TENM3: variants seen among roughly 807,000 people sequenced by gnomAD.
The protein encoded by TENM3 is teneurin transmembrane protein 3.
Under a neutral mutation model 255.1 loss-of-function variants are expected in TENM3, and 63 were observed. That is an observed-to-expected ratio of 0.25 (90% CI 0.20 to 0.30). TENM3 has a LOEUF of 0.30. TENM3 is among the 10% of genes least tolerant of loss of function. The pLI, the probability that TENM3 is intolerant of heterozygous loss-of-function variation, is 1.00. For synonymous variants in TENM3, 1,306 were observed against 1,322.3 expected (o/e 0.99, Z 0.27); for missense variants, 2,929 against 3,461.1 (o/e 0.85, Z 3.86).
the TENM3 span, among the ~76,000 whole-genome samples, chr4:181,719,986 C>T: frequency 6.6e-6 from 1 of 152,108 alleles, no homozygotes; most frequent in African/African-American, 2.4e-5. Flanking sequence ...CATGCAATGC[C>T]TCTACTGTGT....
chr4:181,814,643 T>G, the TENM3 span, among the ~76,000 whole-genome samples: 1 of 151,994 alleles, frequency 6.6e-6, no homozygotes, highest in East Asian at 1.9e-4. Flanking sequence ...ATAGTTTATT[T>G]GGGAGAGAAA....
chr4:182,110,061 C>A, the TENM3 span, among the ~76,000 whole-genome samples: 1,011 of 149,196 alleles, frequency 6.8e-3, 12 homozygotes, highest in African/African-American at 0.022. Context: ...TTGCAGTGAG[C>A]CGAGATCATG....
intron 7 of TENM3, among the ~76,000 whole-genome samples, chr4:182,674,713 C>G (rs959599375): frequency 6.6e-6 from 1 of 151,474 alleles, no homozygotes; most frequent in South Asian, 2.1e-4. Flanking sequence ...GTAGCTGGGA[C>G]TACAGATGCG....
intron 3 of TENM3, among the ~76,000 whole-genome samples, chr4:182,482,662 T>C (rs1263456651): frequency 6.6e-6 from 1 of 152,228 alleles, no homozygotes; most frequent in Non-Finnish European, 1.5e-5. Context: ...ACATAGGCAT[T>C]GTCTTGTACA....
chr4:182,799,206 G>C lies in TENM3; in HGVS notation c.7345-390G>C, dbSNP rs562568891. Among the ~76,000 whole-genome samples the C allele has an allele frequency of 1.2e-4, 19 of 152,346 alleles. 1 individual carries two copies. The highest frequency in any genetic ancestry group is 5.9e-4 in the Admixed American group (9 of 15,304). ...CCGTTCAGATCCCTCTCTGTGTTTG[G>C]TGGCTTCTCAGCCTCCTGTGGAGAA... is the stretch of plus-strand genomic sequence containing the variant. On this transcript the variant is annotated intron_variant, in intron 27 of 27. Coordinates refer to ENST00000511685, the MANE Select transcript of TENM3 (RefSeq NM_001080477.4). The surrounding 1 kb of genome is among the most constrained non-coding windows in gnomAD (Gnocchi z 4.2).
At chr4:182,706,124 G>C (rs916062033) in intron 12 of TENM3, among the ~76,000 whole-genome samples, 1 of 152,180 alleles carries the variant, frequency 6.6e-6, no homozygotes, top group Non-Finnish European at 1.5e-5. Flanking sequence ...TCTATAAACA[G>C]ATGATGCTTC....
chr4:182,092,848 A>T, the TENM3 span, among the ~76,000 whole-genome samples: 1 of 152,316 alleles, frequency 6.6e-6, no homozygotes, highest in Admixed American at 6.5e-5. Context: ...TCTTATCTAC[A>T]TAAAGGCTTT....
chr4:182,695,355 G>A lies in TENM3; in HGVS notation c.2221+7004G>A, dbSNP rs554444592. Among the ~76,000 whole-genome samples, 7 of 152,310 alleles carry A rather than the reference G, an allele frequency of 4.6e-5. No homozygotes were observed. In the South Asian group the frequency reaches 6.2e-4, roughly 14 times the overall value. On this transcript the variant is annotated intron_variant, in intron 12 of 27. Transcript: ENST00000511685. The stretch of plus-strand genomic sequence containing the variant: ...GGGAACACCCATGGGTTCAGGTGTC[G>A]TATGTTAATATAAAACTTGCAAATC...
At chr4:182,784,234 T>C (rs1302500312) in intron 24 of TENM3, among the ~76,000 whole-genome samples, 1 of 152,128 alleles carries the variant, frequency 6.6e-6, no homozygotes, top group Non-Finnish European at 1.5e-5. Flanking sequence ...GGGTTTTTGG[T>C]GTGGATGTCC....
At position 182,544,439 on chromosome 4, in the gene TENM3, TCCTA is replaced by T. The variant is rs1741222970; in HGVS notation, c.512-56481_512-56478del. On this transcript the variant is annotated intron_variant, in intron 3 of 27. Transcript: ENST00000511685. Reference sequence around the variant, plus strand: ...TCTGCCTCCCGGGTTCAAGCGACTCTCCTACCTCAGTCTCTCGAGTAGCCGGGAT... The same window carrying T: ...TCTGCCTCCCGGGTTCAAGCGACTCTCCTCAGTCTCTCGAGTAGCCGGGAT... Among the ~76,000 whole-genome samples, 3 of 146,952 alleles carry T rather than the reference TCCTA, an allele frequency of 2.0e-5. No individual in the cohort carries two copies. The South Asian group carries it at 6.9e-4, about 34-fold the overall frequency.
At chr4:181,746,289 C>T in the TENM3 span, among the ~76,000 whole-genome samples, 1 of 151,992 alleles carries the variant, frequency 6.6e-6, no homozygotes, top group Non-Finnish European at 1.5e-5. Flanking sequence ...GGCTGGAGTC[C>T]AAGAACTTTG....
At chr4:181,629,806 G>T in the TENM3 span, among the ~76,000 whole-genome samples, 94 of 151,658 alleles carry the variant, frequency 6.2e-4, no homozygotes, top group African/African-American at 2.2e-3. Context: ...TCTTTTTTTT[G>T]TTGTATCCCT....
At chr4:181,836,972 C>T in the TENM3 span, among the ~76,000 whole-genome samples, 1 of 125,388 alleles carries the variant, frequency 8.0e-6, no homozygotes, top group African/African-American at 2.6e-5. Context: ...GTCTTGCTCA[C>T]ATTTTATTAT....
rs760813228 is a variant in TENM3 at position 182,754,913 on chromosome 4, C to T, written c.4546C>T (p.Pro1516Ser). Residue 1516 changes from proline to serine, a missense_variant, in exon 22 of 28, where the codon CCA (proline) becomes TCA (serine). By Grantham distance (74) the Pro-to-Ser change is moderately conservative (BLOSUM62 -1). Around this residue, in one of 6 missense-constraint regions of TENM3, gnomAD observed 1,608 missense variants for 1,884.4 expected, o/e 0.85. Coordinates refer to ENST00000511685, the MANE Select transcript of TENM3 (RefSeq NM_001080477.4). The surrounding 1 kb of genome is among the most constrained non-coding windows in gnomAD (Gnocchi z 5.1). Reference sequence around the variant, plus strand: ...TATGAACTTCTATGAAGTTGCGTCTCCAACTGATCAAGAACTCTACATCTT... The same window carrying T: ...TATGAACTTCTATGAAGTTGCGTCTTCAACTGATCAAGAACTCTACATCTT... ...NSMNFYEVAS[P>S]TDQELYIFDI... 2.5e-6 allele frequency: 4 copies of T among 1,614,030 alleles called. No individual in the cohort carries two copies. The highest frequency in any genetic ancestry group is 3.4e-6 in the Non-Finnish European group (4 of 1,179,904).
the TENM3 span, among the ~76,000 whole-genome samples, chr4:181,843,353 A>AG: frequency 1.3e-5 from 2 of 152,198 alleles, no homozygotes; most frequent in Non-Finnish European, 2.9e-5. Context: ...AGTCCTAACA[A>AG]GCTGCTTGTA....
At chr4:182,168,301 A>T in intron 1 of TENM3, among the ~76,000 whole-genome samples, 1 of 151,830 alleles carries the variant, frequency 6.6e-6, no homozygotes, top group African/African-American at 2.4e-5. Context: ...CGCCTGGATA[A>T]TTTTTCTATT....
chr4:181,902,085 A>C, the TENM3 span, among the ~76,000 whole-genome samples: 1 of 148,986 alleles, frequency 6.7e-6, no homozygotes, highest in Non-Finnish European at 1.5e-5. Context: ...TATGTTCTCA[A>C]TAAAGAGGTA....
chr4:181,454,878 A>T, the TENM3 span, among the ~76,000 whole-genome samples: 2 of 151,912 alleles, frequency 1.3e-5, no homozygotes, highest in Admixed American at 6.6e-5. Context: ...TGATATGGTC[A>T]GATTAAAGGT....
At chr4:181,946,251 T>G in the TENM3 span, among the ~76,000 whole-genome samples, 2 of 152,156 alleles carry the variant, frequency 1.3e-5, no homozygotes, top group African/African-American at 4.8e-5. Flanking sequence ...TACTGCTCAG[T>G]TTTTCTCCAA....
Sources: gnomAD v4.1 joint callset for allele counts (sites outside exome capture counted in the v4.1 genomes callset) on GRCh38, gnomAD v4.1.1 for gene constraint, gnomAD v4.1.1 regional missense constraint, Gnocchi (gnomAD v3.1) non-coding constraint, MANE v1.5 for transcripts, NCBI Gene and HGNC (gene_info 2026-07-23, HGNC 2026-07-21) for gene names.